Variants in MYO5C observed in about 807,000 individuals in gnomAD.
MYO5C encodes the protein unconventional myosin-Vc.
Under a neutral mutation model 235.7 loss-of-function variants are expected in MYO5C, and 194 were observed. That is an observed-to-expected ratio of 0.82 (90% CI 0.73 to 0.93). The LOEUF (loss-of-function observed/expected upper bound fraction) is 0.93. Ranked by LOEUF, MYO5C falls within the 40% of genes least tolerant of loss-of-function variation. MYO5C has a pLI of 0.00. For missense variants in MYO5C, 2,038 were observed against 2,127.2 expected (o/e 0.96, Z 0.82); for synonymous variants, 707 against 754.8 (o/e 0.94, Z 1.04).
At chr15:52,201,261 G>GA (rs1330669353) in intron 38 of MYO5C, among the ~76,000 whole-genome samples, 9 of 150,408 alleles carry the variant, frequency 6.0e-5, no homozygotes, top group East Asian at 1.9e-4. Flanking sequence ...TAAAGACAAA[G>GA]AAAAAAAAAT....
In MYO5C at chr15:52,210,513, G is replaced by C. The variant is rs565916408; in HGVS notation, c.4296+1217C>G. ...GTACTTTTTAACATAACTGTAAACT[G>C]GTCATTTCCTAGAAAAAGAGAGAGA... On this transcript the variant is annotated intron_variant, in intron 35 of 40. Transcript: ENST00000261839. Among the ~76,000 whole-genome samples the C allele has an allele frequency of 1.2e-4, 18 of 152,156 alleles. No individual in the cohort carries two copies. In the South Asian group the frequency reaches 1.2e-3, roughly 11 times the overall value.
chr15:52,237,704 T>C (rs1419567773), intron 21 of MYO5C, 58 bp from the exon 22 acceptor site: 2 of 1,537,420 alleles, frequency 1.3e-6, no homozygotes, highest in Non-Finnish European at 1.8e-6. Context: ...TGCTGTTCCA[T>C]TTAATTCTCA....
rs778080230 is a variant in MYO5C, at chr15:52,192,433, T to G, written c.*1469A>C. On this transcript the variant is annotated 3_prime_UTR_variant, in exon 41 of 41. Transcript: ENST00000261839. Reference sequence around the variant, plus strand: ...AATCACTTATAATATAAAAAGACATTATTATGTATTAGCAGGGTGATGCTT... The same window carrying G: ...AATCACTTATAATATAAAAAGACATGATTATGTATTAGCAGGGTGATGCTT... The G allele has an allele frequency of 6.6e-6, 1 of 152,210 alleles. No individual in the cohort carries two copies. Among genetic ancestry groups the G allele is most frequent in the African/African-American group, 2.4e-5 (1 of 41,452 alleles). The allele number at this position is 152,210 out of a possible 1,614,324, so 9.4% of individuals were successfully genotyped here.
intron 9 of MYO5C, among the ~76,000 whole-genome samples, chr15:52,262,202 C>T (rs1267006580): frequency 6.6e-6 from 1 of 152,226 alleles, no homozygotes; most frequent in African/African-American, 2.4e-5. Flanking sequence ...CCAAATTTAA[C>T]GTGTCCAACA....
intron 19 of MYO5C, 76 bp downstream of exon 19, chr15:52,244,280 G>C: frequency 6.9e-7 from 1 of 1,452,456 alleles, no homozygotes; most frequent in Non-Finnish European, 9.5e-7. Context: ...CCTTGTCCTT[G>C]ATGAGTCCTC....
At chr15:52,273,192 G>A (rs1371003071) in intron 5 of MYO5C, among the ~76,000 whole-genome samples, 5 of 152,124 alleles carry the variant, frequency 3.3e-5, no homozygotes, top group South Asian at 2.1e-4. Flanking sequence ...GCATGGTGGT[G>A]TGTGCCTGTA....
chr15:52,291,736 T>TG (rs2037394107), intron 1 of MYO5C, among the ~76,000 whole-genome samples: 1 of 71,370 alleles, frequency 1.4e-5, no homozygotes, highest in Non-Finnish European at 3.2e-5. Flanking sequence ...TTTATGTTTT[T>TG]TTTTTTTTTT....
chr15:52,210,863 ACTGTTAGC>A, intron 35 of MYO5C, among the ~76,000 whole-genome samples: 1 of 152,382 alleles, frequency 6.6e-6, no homozygotes, highest in Admixed American at 6.5e-5. Context: ...ACTTTATGTT[ACTGTTAGC>A]CTTCACAAAA....
intron 22 of MYO5C, chr15:52,236,910 T>C (rs1257602067): frequency 6.6e-6 from 1 of 152,272 alleles, no homozygotes; most frequent in Non-Finnish European, 1.5e-5. Flanking sequence ...TTTCATCTGA[T>C]GATTTTATTC....
intron 1 of MYO5C, among the ~76,000 whole-genome samples, chr15:52,291,582 G>A (rs543585670): frequency 4.0e-4 from 60 of 151,870 alleles, no homozygotes; most frequent in Non-Finnish European, 4.9e-4. Context: ...AAACAGAAAC[G>A]ACGCCAGGGA....
chr15:52,279,469 T>G lies in MYO5C; in HGVS notation c.304+40A>C. 3 of 1,589,270 alleles carry G rather than the reference T, an allele frequency of 1.9e-6. No individual in the cohort carries two copies. The South Asian group carries it at 3.3e-5, about 18-fold the overall frequency. Reference sequence around the variant, plus strand: ...GAGGCTCTAGACAGCAAGCTTACATTCCAGTGCCATTCCTTACTTCCTAGA... The same window carrying G: ...GAGGCTCTAGACAGCAAGCTTACATGCCAGTGCCATTCCTTACTTCCTAGA... On this transcript the variant is annotated intron_variant, in intron 3 of 40. Coordinates refer to ENST00000261839, the MANE Select transcript of MYO5C (RefSeq NM_018728.4).
chr15:52,218,908 C>T (rs905668634), intron 31 of MYO5C, among the ~76,000 whole-genome samples: 1 of 152,192 alleles, frequency 6.6e-6, no homozygotes, highest in African/African-American at 2.4e-5. Context: ...TGGTCTCCTT[C>T]CCCCAATAAG....
chr15:52,260,959 A>G lies in MYO5C; in HGVS notation c.1216T>C (p.Tyr406His), dbSNP rs200250841. The change falls in exon 10 of 41, where the codon TAT (tyrosine) becomes CAT (histidine). Residue 406 changes from tyrosine (Y) to histidine (H), a missense_variant. By Grantham distance (83) the Tyr-to-His change is moderately conservative. Coordinates refer to ENST00000261839, the MANE Select transcript of MYO5C (RefSeq NM_018728.4). ...ACAATGAAGTCGAACAGGTGAGCAT[A>G]GATCTTTTTGGCCAGTGCATCCCTG... ...NARDALAKKI[Y>H]AHLFDFIVER... 8.9e-5 allele frequency: 143 copies of G among 1,614,106 alleles called. No homozygotes were observed. The highest frequency in any genetic ancestry group is 9.3e-6 in the Non-Finnish European group (11 of 1,180,046).
At chr15:52,233,096 G>A (rs561522606) in intron 23 of MYO5C, among the ~76,000 whole-genome samples, 1 of 18,894 alleles carries the variant, frequency 5.3e-5, no homozygotes, top group African/African-American at 8.2e-5. Flanking sequence ...CGGCTAAAAC[G>A]GTGAAACCCC....
intron 28 of MYO5C, among the ~76,000 whole-genome samples, chr15:52,224,317 T>C (rs530143953): frequency 1.3e-5 from 2 of 152,310 alleles, no homozygotes; most frequent in African/African-American, 4.8e-5. Context: ...TTCTGTATGA[T>C]ACTACAGTTG....
At chr15:52,274,644 T>C (rs946467905) in intron 5 of MYO5C, among the ~76,000 whole-genome samples, 4 of 151,748 alleles carry the variant, frequency 2.6e-5, no homozygotes, top group Non-Finnish European at 5.9e-5. Context: ...TGCCTCTGAA[T>C]TATGAGCTTT....
chr15:52,268,479 C>A (rs2140838759), intron 8 of MYO5C, among the ~76,000 whole-genome samples: 1 of 152,144 alleles, frequency 6.6e-6, no homozygotes, highest in African/African-American at 2.4e-5. Flanking sequence ...AGGGGAACCG[C>A]TTGAATCGGG....
intron 11 of MYO5C, among the ~76,000 whole-genome samples, chr15:52,255,676 G>C (rs138377530): frequency 6.6e-6 from 1 of 151,954 alleles, no homozygotes; most frequent in Non-Finnish European, 1.5e-5. Flanking sequence ...ATTCAATAAA[G>C]TTCTTGCATC....
At chr15:52,290,236 C>G (rs1020209577) in intron 1 of MYO5C, among the ~76,000 whole-genome samples, 1 of 152,094 alleles carries the variant, frequency 6.6e-6, no homozygotes, top group African/African-American at 2.4e-5. Context: ...ATTCAAATTC[C>G]CAGTGGTTCA....
Sources: gnomAD v4.1 joint callset for allele counts (sites outside exome capture counted in the v4.1 genomes callset) on GRCh38, gnomAD v4.1.1 for gene constraint, MANE v1.5 for transcripts, NCBI Gene and HGNC (gene_info 2026-07-23, HGNC 2026-07-21) for gene names.